The following MALRD1 variants were observed in gnomAD, a reference collection of about 807,000 sequenced individuals.
MALRD1 encodes MAM and LDL receptor class A domain containing 1.
MALRD1 carries 247 observed loss-of-function variants against 242.1 expected under a neutral mutation model. The observed-to-expected ratio is 1.02, with a 90% CI of 0.92 to 1.13. The LOEUF (loss-of-function observed/expected upper bound fraction) is 1.13, where lower values mean the gene tolerates loss of function less well. MALRD1 is among the 50% of genes most tolerant of loss of function. The pLI is 0.00. For synonymous variants in MALRD1, 995 were observed against 866.6 expected, an observed-to-expected ratio of 1.15 and a Z score of -2.60; for missense variants, 2,989 against 2,533.1, an observed-to-expected ratio of 1.18 and a Z score of -3.86.
chr10:19,721,365 G>T (rs1239985099), intron 38 of MALRD1, among the ~76,000 whole-genome samples: 2 of 152,038 alleles, frequency 1.3e-5, no homozygotes, highest in African/African-American at 4.8e-5. Context: ...GAGAATTAGG[G>T]TTTACTTCTG....
At chr10:19,712,153 C>T (rs771413237) in intron 38 of MALRD1, among the ~76,000 whole-genome samples, 1 of 152,074 alleles carries the variant, frequency 6.6e-6, no homozygotes, top group Non-Finnish European at 1.5e-5. Flanking sequence ...CTCTATGGAA[C>T]ACTTGGGTCA....
chr10:19,087,351 T>C (rs1314269988), intron 2 of MALRD1, among the ~76,000 whole-genome samples: 1 of 152,090 alleles, frequency 6.6e-6, no homozygotes, highest in East Asian at 1.9e-4. Context: ...GAGTATATAA[T>C]TGCAATTAGC....
intron 29 of MALRD1, among the ~76,000 whole-genome samples, chr10:19,480,656 C>T (rs1213252261): frequency 6.6e-6 from 1 of 152,184 alleles, no homozygotes; most frequent in Non-Finnish European, 1.5e-5. Flanking sequence ...GTAGAAATTG[C>T]TAAGAGGCAA....
At chr10:19,163,146 A>G (rs1409562940) in intron 12 of MALRD1, among the ~76,000 whole-genome samples, 3 of 138,422 alleles carry the variant, frequency 2.2e-5, no homozygotes, top group Non-Finnish European at 4.5e-5. Flanking sequence ...CTAAAAAAAA[A>G]AAAAAAAAAA....
intron 37 of MALRD1, 48 bp from the exon 38 acceptor site, chr10:19,692,410 A>G (rs1833118304): frequency 3.9e-6 from 6 of 1,531,124 alleles, no homozygotes; most frequent in Non-Finnish European, 4.4e-6. Flanking sequence ...GGTGGTCTCT[A>G]ATATATTTCA....
At chr10:19,581,239 T>G (rs1477504123) in intron 33 of MALRD1, among the ~76,000 whole-genome samples, 1 of 151,672 alleles carries the variant, frequency 6.6e-6, no homozygotes. Context: ...ATTATTATAC[T>G]TTAAGTTTTA....
chr10:19,402,841 G>C (rs1340945583), intron 28 of MALRD1, among the ~76,000 whole-genome samples: 3 of 151,978 alleles, frequency 2.0e-5, no homozygotes, highest in African/African-American at 7.2e-5. Context: ...CACACATGTA[G>C]ATTTTGACAT....
At chr10:19,680,775 C>A (rs1589392857) in intron 36 of MALRD1, among the ~76,000 whole-genome samples, 1 of 152,050 alleles carries the variant, frequency 6.6e-6, no homozygotes, top group Non-Finnish European at 1.5e-5. Context: ...TGGCTGGTAA[C>A]AGTTTTTCCT....
chr10:19,568,536 G>A (rs1460927835), intron 33 of MALRD1, among the ~76,000 whole-genome samples: 1 of 152,048 alleles, frequency 6.6e-6, no homozygotes, highest in African/African-American at 2.4e-5. Context: ...TAACCAGTGT[G>A]AGCCTGCTTC....
chr10:19,526,387 T>C (rs557734588), intron 31 of MALRD1, among the ~76,000 whole-genome samples: 1 of 151,740 alleles, frequency 6.6e-6, no homozygotes, highest in African/African-American at 2.4e-5. Flanking sequence ...TATATATATG[T>C]CATCACAAAA....
In MALRD1 at chr10:19,098,823, G is replaced by A. The variant is rs116362632; in HGVS notation, c.598-5156G>A. Among the ~76,000 whole-genome samples the A allele has an allele frequency of 7.8e-3, 1,186 of 152,184 alleles. 17 individuals are homozygous for A. Among genetic ancestry groups the A allele is most frequent in the African/African-American group, 0.027 (1,136 of 41,528 alleles). On this transcript the variant is annotated intron_variant, in intron 4 of 39. Transcript: ENST00000454679. ...AAGAGCTCTCTCCTGCAGAGAGAGG[G>A]GTCCTGAATGGGTTTCCAGTCCATG...
At chr10:19,545,369 A>G (rs1462827953) in intron 32 of MALRD1, among the ~76,000 whole-genome samples, 1 of 152,184 alleles carries the variant, frequency 6.6e-6, no homozygotes, top group African/African-American at 2.4e-5. Flanking sequence ...GCTCATATGC[A>G]TTTCAGATAA....
intron 21 of MALRD1, among the ~76,000 whole-genome samples, chr10:19,295,753 AG>A (rs983857454): frequency 3.3e-4 from 50 of 152,294 alleles, no homozygotes; most frequent in African/African-American, 1.1e-3. Flanking sequence ...CTGTAGCCCT[AG>A]TACCTAGCAA....
chr10:19,499,422 C>G (rs1054982007), intron 31 of MALRD1, among the ~76,000 whole-genome samples: 1 of 151,036 alleles, frequency 6.6e-6, no homozygotes, highest in South Asian at 2.1e-4. Context: ...GTGGCCTCCT[C>G]CAATCAACTG....
intron 10 of MALRD1, among the ~76,000 whole-genome samples, chr10:19,143,355 A>T (rs146993227): frequency 6.6e-6 from 1 of 152,230 alleles, no homozygotes; most frequent in African/African-American, 2.4e-5. Flanking sequence ...CCATTTTCAC[A>T]CTCATCGATC....
chr10:19,146,065 C>G lies in MALRD1; in HGVS notation c.1412-133C>G, dbSNP rs543499827. 2.8e-5 allele frequency: 17 copies of G among 596,972 alleles called. No homozygotes were observed. In the Admixed American group the frequency reaches 6.1e-4, roughly 21 times the overall value. The allele number at this position is 596,972 out of a possible 1,614,324, so 37.0% of individuals were successfully genotyped here. A position where few individuals can be genotyped will look rare whatever the true frequency, so the allele number is the denominator to read the frequency against. ...GTGACTAGATAAAGGAAAGCTATTC[C>G]GATCATTAGAGAATATTCACTACCA... On this transcript the variant is annotated intron_variant, in intron 10 of 39. Transcript: ENST00000454679.
chr10:19,616,471 C>T (rs1359616511), intron 36 of MALRD1, among the ~76,000 whole-genome samples: 1 of 151,970 alleles, frequency 6.6e-6, no homozygotes, highest in African/African-American at 2.4e-5. Context: ...ATTTATATTG[C>T]ATATCAAAGA....
chr10:19,214,912 G>A (rs1294550077), intron 18 of MALRD1, among the ~76,000 whole-genome samples: 1 of 152,118 alleles, frequency 6.6e-6, no homozygotes, highest in African/African-American at 2.4e-5. Flanking sequence ...GCTTTCCCAG[G>A]TATTTTGCAC....
intron 28 of MALRD1, among the ~76,000 whole-genome samples, chr10:19,433,892 GCA>G (rs1180050893): frequency 6.6e-6 from 1 of 151,418 alleles, no homozygotes; most frequent in East Asian, 1.9e-4. Flanking sequence ...ACACACACGC[GCA>G]CACACACACA....
Sources: gnomAD v4.1 joint callset for allele counts (sites outside exome capture counted in the v4.1 genomes callset) on GRCh38, gnomAD v4.1.1 for gene constraint, MANE v1.5 for transcripts, NCBI Gene and HGNC (gene_info 2026-07-23, HGNC 2026-07-21) for gene names.